Variants in NELL1 observed in about 807,000 individuals in gnomAD.
NELL1 encodes protein kinase C-binding protein NELL1.
A neutral mutation model predicts 107.4 loss-of-function variants in NELL1; 76 were observed. That is an observed-to-expected ratio of 0.71 (90% CI 0.59 to 0.86). The LOEUF is 0.86. Ranked by LOEUF, NELL1 falls within the 40% of genes least tolerant of loss-of-function variation. NELL1 has a pLI of 0.00. For missense variants in NELL1, 1,024 were observed against 1,005.5 expected, an observed-to-expected ratio of 1.02 and a Z score of -0.25; for synonymous variants, 353 against 341.2, an observed-to-expected ratio of 1.03 and a Z score of -0.38.
intron 14 of NELL1, among the ~76,000 whole-genome samples, chr11:21,258,467 A>T (rs928076590): frequency 1.3e-5 from 2 of 152,036 alleles, no homozygotes; most frequent in African/African-American, 4.8e-5. Context: ...ATTACATAAT[A>T]TAAGAAATTG....
chr11:21,474,187 T>C (rs145345517), intron 15 of NELL1, among the ~76,000 whole-genome samples: 1 of 152,042 alleles, frequency 6.6e-6, no homozygotes, highest in Non-Finnish European at 1.5e-5. Flanking sequence ...CACATTAACT[T>C]TCTTTACTTA....
intron 3 of NELL1, among the ~76,000 whole-genome samples, chr11:20,843,199 C>T (rs907739927): frequency 8.6e-5 from 13 of 152,044 alleles, no homozygotes; most frequent in Admixed American, 5.2e-4. Flanking sequence ...TAGGGGTACA[C>T]GCTGGGAAAG....
At chr11:20,965,461 C>G (rs1016886515) in intron 12 of NELL1, among the ~76,000 whole-genome samples, 1 of 152,082 alleles carries the variant, frequency 6.6e-6, no homozygotes, top group Non-Finnish European at 1.5e-5. Context: ...ACCAAATTGG[C>G]AGGTAGCAGG....
At chr11:20,779,845 T>G (rs1856820145) in intron 2 of NELL1, among the ~76,000 whole-genome samples, 2 of 152,228 alleles carry the variant, frequency 1.3e-5, no homozygotes, top group South Asian at 4.1e-4. Flanking sequence ...TGGTCTTAAT[T>G]TTCAGATGTA....
At chr11:21,329,471 G>T (rs7943279) in intron 14 of NELL1, among the ~76,000 whole-genome samples, 19,424 of 152,022 alleles carry the variant, frequency 0.13, 1,324 homozygotes, top group Non-Finnish European at 0.16. Flanking sequence ...TGTGAGAATG[G>T]ACTAAAACAC....
intron 2 of NELL1, among the ~76,000 whole-genome samples, chr11:20,714,982 G>A (rs1037424739): frequency 5.9e-5 from 9 of 152,186 alleles, no homozygotes; most frequent in East Asian, 3.9e-4. Context: ...GGTGGCTCAC[G>A]CCTGTAATCC....
chr11:21,446,020 TTTTTTC>T (rs1476026390), intron 15 of NELL1, among the ~76,000 whole-genome samples: 2 of 152,036 alleles, frequency 1.3e-5, no homozygotes, highest in Non-Finnish European at 2.9e-5. Flanking sequence ...TCTTGTATAC[TTTTTTC>T]TTTTTAATTT....
At chr11:21,032,717 T>C (rs1032029891) in intron 12 of NELL1, among the ~76,000 whole-genome samples, 9 of 152,202 alleles carry the variant, frequency 5.9e-5, no homozygotes, top group African/African-American at 2.2e-4. Context: ...CAAACATCTC[T>C]TTGTCTTTCT....
chr11:20,909,258 G>A (rs193204601), intron 5 of NELL1, among the ~76,000 whole-genome samples: 10 of 152,256 alleles, frequency 6.6e-5, no homozygotes, highest in African/African-American at 2.4e-4. Flanking sequence ...GGTGATGGTT[G>A]CATAACACTG....
intron 15 of NELL1, among the ~76,000 whole-genome samples, chr11:21,413,228 G>C (rs1170108218): frequency 6.6e-6 from 1 of 152,000 alleles, no homozygotes; most frequent in East Asian, 1.9e-4. Flanking sequence ...AGAATTCTGA[G>C]GGATGATGGA....
intron 13 of NELL1, among the ~76,000 whole-genome samples, chr11:21,164,086 C>A (rs1004245998): frequency 6.6e-6 from 1 of 152,116 alleles, no homozygotes; most frequent in African/African-American, 2.4e-5. Context: ...AGAAACCAAA[C>A]CTGTGCGCAC....
chr11:20,954,200 G>A (rs144249312), intron 11 of NELL1, among the ~76,000 whole-genome samples: 3 of 152,308 alleles, frequency 2.0e-5, no homozygotes, highest in East Asian at 3.9e-4. Context: ...ATGGGATAAT[G>A]TATGTAAAAC....
At chr11:20,841,888 G>T (rs1313336817) in intron 3 of NELL1, among the ~76,000 whole-genome samples, 2 of 152,152 alleles carry the variant, frequency 1.3e-5, no homozygotes, top group African/African-American at 4.8e-5. Context: ...GGTTTGTCTG[G>T]CAGGTTTAAG....
intron 15 of NELL1, among the ~76,000 whole-genome samples, chr11:21,483,223 T>C (rs1460746883): frequency 6.6e-6 from 1 of 152,166 alleles, no homozygotes; most frequent in African/African-American, 2.4e-5. Flanking sequence ...GATAAAATTA[T>C]CCTTTTGTTA....
intron 3 of NELL1, among the ~76,000 whole-genome samples, chr11:20,843,099 G>A (rs1848647240): frequency 6.6e-6 from 1 of 152,030 alleles, no homozygotes; most frequent in Non-Finnish European, 1.5e-5. Flanking sequence ...GATCTACCCA[G>A]GTACTCTCTC....
chr11:21,413,422 A>G (rs1852428957), intron 15 of NELL1, among the ~76,000 whole-genome samples: 1 of 151,970 alleles, frequency 6.6e-6, no homozygotes, highest in Non-Finnish European at 1.5e-5. Flanking sequence ...CTTCACTTTC[A>G]TGGTTCTAGA....
chr11:21,169,762 G>A, intron 13 of NELL1: 3 of 1,177,414 alleles, frequency 2.5e-6, no homozygotes, highest in Non-Finnish European at 3.6e-6. Context: ...TAGGCATTGA[G>A]GTGGCGGTGG....
At chr11:21,219,544 C>A (rs1857700406) in intron 13 of NELL1, among the ~76,000 whole-genome samples, 1 of 152,134 alleles carries the variant, frequency 6.6e-6, no homozygotes, top group Non-Finnish European at 1.5e-5. Flanking sequence ...ACCCTAAAAT[C>A]TCTGCCCATA....
chr11:20,801,011 T>C (rs1857271266), intron 3 of NELL1, among the ~76,000 whole-genome samples: 2 of 152,276 alleles, frequency 1.3e-5, no homozygotes, highest in South Asian at 4.2e-4. Flanking sequence ...TGATTTGGTC[T>C]AAAAAATCCA....
Sources: allele counts gnomAD v4.1 joint callset (sites outside exome capture counted in the v4.1 genomes callset), GRCh38; gene constraint gnomAD v4.1.1; transcripts MANE v1.5; gene names NCBI Gene and HGNC (gene_info 2026-07-23, HGNC 2026-07-21).